Variants in ZNF473 observed in about 807,000 individuals in gnomAD.
The protein encoded by ZNF473 is zinc finger protein 100 homolog.
ZNF473 carries 4 observed loss-of-function variants against 11.1 expected under a neutral mutation model. The ratio of observed to expected loss-of-function variants is 0.36; its 90% CI spans 0.18 to 0.82. ZNF473 has a LOEUF of 0.82. ZNF473 is among the 40% of genes least tolerant of loss of function. ZNF473 has a pLI of 0.49. For missense variants in ZNF473, 854 were observed against 1,084.0 expected (o/e 0.79, Z 2.98); for synonymous variants, 404 against 390.4 (o/e 1.03, Z -0.41).
At chr19:50,033,175 G>A (rs1416459290) in intron 2 of ZNF473, among the ~76,000 whole-genome samples, 1 of 152,212 alleles carries the variant, frequency 6.6e-6, no homozygotes, top group Non-Finnish European at 1.5e-5. Flanking sequence ...GAAAGGGATA[G>A]GGAGGCCCAG....
Position 50,044,823 on chromosome 19 carries a change from G to A in ZNF473, c.380G>A (p.Gly127Asp), listed in dbSNP as rs1200272978. The A allele has an allele frequency of 6.2e-6, 10 of 1,614,130 alleles. No homozygotes were observed. Among genetic ancestry groups the A allele is most frequent in the Non-Finnish European group, 8.5e-6 (10 of 1,180,060 alleles). ...GACACCTGGTTAGATAGTTTGCTAG[G>A]CGATCCAGAAAGTCTTCTGAGGTCT... ...IEDTWLDSLL[G>D]DPESLLRSDI... is the part of the protein sequence containing the mutation. The change falls in exon 5 of 5, where the codon GGC becomes GAC. Residue 127 changes from glycine to aspartate, a missense_variant. Physicochemically the swap from Gly to Asp is moderately conservative, Grantham distance 94. Transcript: ENST00000270617.
At chr19:50,043,901 G>A (rs1478731149) in intron 4 of ZNF473, among the ~76,000 whole-genome samples, 1 of 152,120 alleles carries the variant, frequency 6.6e-6, no homozygotes, top group African/African-American at 2.4e-5. Context: ...GTGCCATCCA[G>A]CATGAGGGAC....
chr19:50,037,789 C>G (rs541165703), intron 2 of ZNF473, among the ~76,000 whole-genome samples: 5 of 151,942 alleles, frequency 3.3e-5, no homozygotes, highest in African/African-American at 1.2e-4. Flanking sequence ...CCAGCCTGGG[C>G]AACAGAGTGA....
At position 50,047,171 on chromosome 19, in the gene ZNF473, A is replaced by T. The variant is rs1177639731; in HGVS notation, c.*112A>T. 8 of 931,650 alleles carry T rather than the reference A, an allele frequency of 8.6e-6. No individual in the cohort carries two copies. Among genetic ancestry groups the T allele is most frequent in the Non-Finnish European group, 1.3e-5 (8 of 636,654 alleles). The allele number at this position is 931,650 out of a possible 1,614,324, so 57.7% of individuals were successfully genotyped here. On this transcript the variant is annotated 3_prime_UTR_variant, in exon 5 of 5. Transcript: ENST00000270617. The stretch of plus-strand genomic sequence containing the variant: ...AAATAAATGCATCTAAAGATTGATT[A>T]GAAAGTTTGTGCGCATGTTTTTCAT...
In ZNF473 at chr19:50,045,624, A is replaced by G. The variant is rs748964944; in HGVS notation, c.1181A>G (p.Gln394Arg). The G allele has an allele frequency of 6.2e-7, 1 of 1,614,158 alleles. No individual in the cohort carries two copies. The highest frequency in any genetic ancestry group is 8.5e-7 in the Non-Finnish European group (1 of 1,180,024). The change falls in exon 5 of 5, where the codon CAG becomes CGG. Residue 394 changes from glutamine to arginine, a missense_variant. Gln to Arg is a conservative substitution (Grantham distance 43). Around this residue, in one of 2 missense-constraint regions of ZNF473, gnomAD observed 668 missense variants for 790.2 expected, o/e 0.85. Transcript: ENST00000270617. ...FRHSSLLIEH[Q>R]ALHAGEEPYK... ...CACAGTTCGCTGCTCATTGAACACC[A>G]GGCTCTTCATGCTGGAGAGGAGCCT...
intron 2 of ZNF473, among the ~76,000 whole-genome samples, chr19:50,038,206 A>AAAT (rs1978575327): frequency 3.4e-5 from 5 of 145,390 alleles, no homozygotes; most frequent in African/African-American, 1.3e-4. Context: ...TATAAATTAT[A>AAAT]TATATAATTA....
intron 2 of ZNF473, among the ~76,000 whole-genome samples, chr19:50,038,800 G>C (rs940717602): frequency 1.3e-5 from 2 of 152,174 alleles, no homozygotes; most frequent in Non-Finnish European, 2.9e-5. Context: ...ATGAGTTCAT[G>C]GGTGTTAATT....
chr19:50,032,900 TC>T (rs918093610), intron 2 of ZNF473, among the ~76,000 whole-genome samples: 23 of 152,306 alleles, frequency 1.5e-4, no homozygotes, highest in African/African-American at 5.3e-4. Flanking sequence ...CACATTGTCT[TC>T]CCTCAGCCTG....
In ZNF473 at chr19:50,046,265, C is replaced by G. The variant is rs1367811713; in HGVS notation, c.1822C>G (p.His608Asp). Residue 608 changes from histidine to aspartate, a missense_variant, in exon 5 of 5, where the codon CAC (histidine) becomes GAC (aspartate). Transcript: ENST00000270617. The surrounding 1 kb of genome is among the most constrained non-coding windows in gnomAD (Gnocchi z 5.9). ...CTTTGGCCAAAGTACTCGGCTCATTCACCATCAAAGAATCCACTCTAGAGT... is the reference window on the plus strand; with the variant it reads ...CTTTGGCCAAAGTACTCGGCTCATTGACCATCAAAGAATCCACTCTAGAGT... Reference protein sequence around the residue: ...KAFGQSTRLIHHQRIHSRVRL... With the variant: ...KAFGQSTRLIDHQRIHSRVRL... The G allele has an allele frequency of 6.2e-7, 1 of 1,614,070 alleles. No individual in the cohort carries two copies. The highest frequency in any genetic ancestry group is 2.2e-5 in the East Asian group (1 of 44,898).
Position 50,046,668 on chromosome 19 carries a change from G to T in ZNF473, c.2225G>T (p.Ser742Ile), listed in dbSNP as rs768264132. The change falls in exon 5 of 5, where the codon AGT (serine) becomes ATT (isoleucine). Residue 742 changes from serine (S) to isoleucine (I), a missense_variant. This residue lies in a region of ZNF473 where 186 missense variants were observed against 293.8 expected (regional missense o/e 0.63). Transcript: ENST00000270617. The surrounding 1 kb of genome is among the most constrained non-coding windows in gnomAD (Gnocchi z 5.9). ...CDYCGKAFGL[S>I]AELVRHQRIH... ...TACTGCGGGAAGGCCTTCGGCCTGAGTGCTGAGCTTGTCCGCCACCAGAGA... is the reference window on the plus strand; with the variant it reads ...TACTGCGGGAAGGCCTTCGGCCTGATTGCTGAGCTTGTCCGCCACCAGAGA... 6.2e-7 allele frequency: 1 copy of T among 1,614,212 alleles called. No individual in the cohort carries two copies. Among genetic ancestry groups the T allele is most frequent in the South Asian group, 1.1e-5 (1 of 91,086 alleles).
chr19:50,032,595 C>T (rs886399149), intron 2 of ZNF473, among the ~76,000 whole-genome samples: 3 of 152,140 alleles, frequency 2.0e-5, no homozygotes, highest in African/African-American at 7.2e-5. Flanking sequence ...TTAGGTGGTT[C>T]CTGCCCTCAT....
chr19:50,035,452 CGTGTGTGTGTGTGTGTGT>C (rs3222106), intron 2 of ZNF473, among the ~76,000 whole-genome samples: 1 of 138,394 alleles, frequency 7.2e-6, no homozygotes, highest in Non-Finnish European at 1.5e-5. Context: ...TTCTTTCATA[CGTGTGTGTGTGTGTGTGT>C]GTGTGTGTGT....
At chr19:50,026,561 A>G (rs1361612611) in intron 1 of ZNF473, among the ~76,000 whole-genome samples, 1 of 151,444 alleles carries the variant, frequency 6.6e-6, no homozygotes, top group East Asian at 1.9e-4. Context: ...AAAAAAAAAA[A>G]AAAAAAAAGA....
In ZNF473 at chr19:50,045,980, A is replaced by G; in HGVS notation, c.1537A>G (p.Thr513Ala). 1.2e-6 allele frequency: 2 copies of G among 1,614,086 alleles called. No homozygotes were observed. Among genetic ancestry groups the G allele is most frequent in the Non-Finnish European group, 1.7e-6 (2 of 1,180,018 alleles). ...VQHQKMHTVKTPYECQECGER... is the reference protein window; with the variant it reads ...VQHQKMHTVKAPYECQECGER... ...ACACCAGAAAATGCACACTGTCAAA[A>G]CCCCATATGAATGTCAGGAGTGCGG... is the stretch of plus-strand genomic sequence containing the variant. The change falls in exon 5 of 5, where the codon ACC (threonine) becomes GCC (alanine). Residue 513 changes from threonine to alanine, a missense_variant. Physicochemically the swap from Thr to Ala is moderately conservative, Grantham distance 58. This residue lies in a region of ZNF473 where 668 missense variants were observed against 790.2 expected (regional missense o/e 0.85). Coordinates refer to ENST00000270617, the MANE Select transcript of ZNF473 (RefSeq NM_015428.4).
At position 50,030,902 on chromosome 19, in the gene ZNF473, A is replaced by T; in HGVS notation, c.-181A>T. 2 of 798,004 alleles carry T rather than the reference A, an allele frequency of 2.5e-6. No homozygotes were observed. The highest frequency in any genetic ancestry group is 3.3e-5 in the South Asian group (2 of 60,932). The allele number at this position is 798,004 out of a possible 1,614,324, so 49.4% of individuals were successfully genotyped here. A position where few individuals can be genotyped will look rare whatever the true frequency, so the allele number is the denominator to read the frequency against. On this transcript the variant is annotated 5_prime_UTR_variant, in exon 2 of 5. Coordinates refer to ENST00000270617, the MANE Select transcript of ZNF473 (RefSeq NM_015428.4). ...TGTTGTCCCCTGCAGGGAGACTCAC[A>T]TTGGGACTTGTCCTCCTCCTCCTGG... is the stretch of plus-strand genomic sequence containing the variant.
At chr19:50,027,832 C>T (rs1221078461) in intron 1 of ZNF473, among the ~76,000 whole-genome samples, 1 of 151,978 alleles carries the variant, frequency 6.6e-6, no homozygotes, top group Non-Finnish European at 1.5e-5. Context: ...GAATTACAGG[C>T]GTGCACCACC....
In ZNF473 at chr19:50,039,385, C is replaced by T. The variant is rs973541369; in HGVS notation, c.136+98C>T. 5.4e-5 allele frequency: 81 copies of T among 1,502,384 alleles called. No individual in the cohort carries two copies. The East Asian group carries it at 1.8e-3, about 33-fold the overall frequency. 93.1% of individuals were successfully genotyped at this position (1,502,384 alleles called of 1,614,324 possible). A position where few individuals can be genotyped will look rare whatever the true frequency, so the allele number is the denominator to read the frequency against. ...AGGGTGAAGTCCTGGCTCCTGGGCT[C>T]CTCAGAATCAGCATGACCTAGCCCA... On this transcript the variant is annotated intron_variant, in intron 3 of 4. Coordinates refer to ENST00000270617, the MANE Select transcript of ZNF473 (RefSeq NM_015428.4). The surrounding 1 kb of genome is among the most constrained non-coding windows in gnomAD (Gnocchi z 4.8).
At chr19:50,034,360 C>T (rs562889594) in intron 2 of ZNF473, among the ~76,000 whole-genome samples, 6 of 152,288 alleles carry the variant, frequency 3.9e-5, no homozygotes, top group African/African-American at 9.6e-5. Flanking sequence ...TCTTTTCCCA[C>T]GAAGCAGCAA....
At position 50,031,009 on chromosome 19, in the gene ZNF473, C is replaced by T. The variant is rs2077314796; in HGVS notation, c.-74C>T. Reference sequence around the variant, plus strand: ...TTTCTCACAGCTCCCTTGTGCTTCCCACAGCCCTGCCAGCCGGGAACACGG... The same window carrying T: ...TTTCTCACAGCTCCCTTGTGCTTCCTACAGCCCTGCCAGCCGGGAACACGG... On this transcript the variant is annotated 5_prime_UTR_variant, in exon 2 of 5. Coordinates refer to ENST00000270617, the MANE Select transcript of ZNF473 (RefSeq NM_015428.4). The T allele has an allele frequency of 1.9e-6, 3 of 1,549,868 alleles. No homozygotes were observed. Among genetic ancestry groups the T allele is most frequent in the South Asian group, 1.2e-5 (1 of 84,018 alleles).
Sources: gnomAD v4.1 joint callset for allele counts (sites outside exome capture counted in the v4.1 genomes callset) on GRCh38, gnomAD v4.1.1 for gene constraint, gnomAD v4.1.1 regional missense constraint, Gnocchi (gnomAD v3.1) non-coding constraint, MANE v1.5 for transcripts, NCBI Gene and HGNC (gene_info 2026-07-23, HGNC 2026-07-21) for gene names.